LMBR1: variants seen among roughly 807,000 people sequenced by gnomAD.
LMBR1 encodes the protein limb development membrane protein 1, also known as limb region 1 protein homolog.
A neutral mutation model predicts 73.9 loss-of-function variants in LMBR1; 52 were observed. The ratio of observed to expected loss-of-function variants is 0.70; its 90% confidence interval spans 0.56 to 0.89. The LOEUF is 0.89. Among genes scored for constraint, LMBR1 ranks in the 40% least tolerant of loss-of-function variants. The pLI, the probability that LMBR1 is intolerant of heterozygous loss-of-function variation, is 0.00. For missense variants in LMBR1, 539 were observed against 579.8 expected (o/e 0.93, Z 0.72); for synonymous variants, 215 against 209.4 (o/e 1.03, Z -0.23).
At chr7:156,780,575 G>A (rs1232652752) in intron 5 of LMBR1, among the ~76,000 whole-genome samples, 2 of 152,106 alleles carry the variant, frequency 1.3e-5, no homozygotes, top group African/African-American at 2.4e-5. Context: ...CACTAGTAAG[G>A]CTCTTTTCTT....
At position 156,723,642 on chromosome 7, in the gene LMBR1, T is replaced by C. The variant is rs187723940; in HGVS notation, c.1225+470A>G. Reference sequence around the variant, plus strand: ...ACAGGCAAGTAGGAACTCTCAAGGGTGTCCTTTGAATCAGAGTGTGTTCTC... The same window carrying C: ...ACAGGCAAGTAGGAACTCTCAAGGGCGTCCTTTGAATCAGAGTGTGTTCTC... On this transcript the variant is annotated intron_variant, in intron 15 of 16. Transcript: ENST00000353442. 2.9e-3 allele frequency among the ~76,000 whole-genome samples: 441 copies of C among 152,138 alleles called. 1 individual carries two copies. Among genetic ancestry groups the C allele is most frequent in the African/African-American group, 0.01 (419 of 41,530 alleles).
intron 9 of LMBR1, among the ~76,000 whole-genome samples, chr7:156,744,269 G>T (rs1819441916): frequency 6.6e-6 from 1 of 151,622 alleles, no homozygotes; most frequent in Non-Finnish European, 1.5e-5. Context: ...CCAGTAGCAG[G>T]TTGCAAATGG....
intron 5 of LMBR1, among the ~76,000 whole-genome samples, chr7:156,764,682 A>G (rs1318260629): frequency 2.0e-5 from 3 of 152,212 alleles, no homozygotes; most frequent in Non-Finnish European, 4.4e-5. Context: ...TCCACATTTA[A>G]CATAAAAATA....
At chr7:156,700,238 T>C (rs1809344527) in intron 15 of LMBR1, among the ~76,000 whole-genome samples, 2 of 152,208 alleles carry the variant, frequency 1.3e-5, no homozygotes, top group Admixed American at 6.5e-5. Context: ...TCATGTCCTT[T>C]GTAGGGACAT....
intron 4 of LMBR1, among the ~76,000 whole-genome samples, chr7:156,814,932 A>G (rs1042912439): frequency 6.6e-6 from 1 of 152,118 alleles, no homozygotes; most frequent in African/African-American, 2.4e-5. Context: ...CAAGGCAGGC[A>G]GATTACCTGA....
chr7:156,670,190 G>A lies in LMBR1; in HGVS notation n.867-903C>T, dbSNP rs968924507. 8.5e-5 allele frequency among the ~76,000 whole-genome samples: 13 copies of A among 152,162 alleles called. No homozygotes were observed. The highest frequency in any genetic ancestry group is 8.3e-4 in the South Asian group (4 of 4,818). On this transcript the variant is annotated intron_variant and non_coding_transcript_variant, in intron 4 of 4. Coordinates refer to the LMBR1 transcript ENST00000430825. This position sits in a 1 kb window ranked among gnomAD's most constrained non-coding sequence, Gnocchi z 4.3. ...TGGAATCACCAAAAGCACACAATTC[G>A]TATTTCCCACCCACTAGGGCACACA... is the stretch of plus-strand genomic sequence containing the variant.
downstream of LMBR1, among the ~76,000 whole-genome samples, chr7:156,673,671 T>C (rs1434025385): frequency 7.9e-5 from 12 of 152,136 alleles, no homozygotes; most frequent in Admixed American, 7.9e-4. Flanking sequence ...GCCTGCTGTG[T>C]TCACAGAATG....
At chr7:156,865,425 C>T (rs911969642) in intron 1 of LMBR1, among the ~76,000 whole-genome samples, 1 of 152,138 alleles carries the variant, frequency 6.6e-6, no homozygotes, top group Non-Finnish European at 1.5e-5. Flanking sequence ...TATTGAAAGA[C>T]ATTAAAGAAT....
At chr7:156,850,657 T>C (rs1586221420) in intron 1 of LMBR1, among the ~76,000 whole-genome samples, 1 of 152,242 alleles carries the variant, frequency 6.6e-6, no homozygotes, top group Non-Finnish European at 1.5e-5. Flanking sequence ...AACCTCTGTT[T>C]CATTAAAAAC....
At chr7:156,713,482 GT>G (rs903602323) in intron 15 of LMBR1, among the ~76,000 whole-genome samples, 3 of 152,124 alleles carry the variant, frequency 2.0e-5, no homozygotes, top group African/African-American at 7.2e-5. Context: ...GGCTCTGCAT[GT>G]GGGGGACAGG....
At chr7:156,886,494 A>G (rs1461518429) in intron 1 of LMBR1, among the ~76,000 whole-genome samples, 1 of 152,238 alleles carries the variant, frequency 6.6e-6, no homozygotes, top group Non-Finnish European at 1.5e-5. Context: ...ACATGAAGGC[A>G]CTGAAGTGCA....
intron 10 of LMBR1, among the ~76,000 whole-genome samples, chr7:156,733,640 C>G (rs764980417): frequency 2.6e-5 from 4 of 152,078 alleles, no homozygotes; most frequent in Non-Finnish European, 5.9e-5. Flanking sequence ...AATAAAGGAA[C>G]ATCCTTCAGC....
chr7:156,865,066 G>C (rs1798267192), intron 1 of LMBR1, among the ~76,000 whole-genome samples: 1 of 151,166 alleles, frequency 6.6e-6, no homozygotes, highest in Non-Finnish European at 1.5e-5. Context: ...CAGAACTTTG[G>C]GAGGTCAAGG....
intron 5 of LMBR1, 67 bp downstream of exon 5, chr7:156,796,322 T>C: frequency 2.0e-6 from 2 of 1,010,890 alleles, no homozygotes; most frequent in East Asian, 5.4e-5. Flanking sequence ...CTGCTTTTTC[T>C]AGTTCAATGT....
At chr7:156,759,265 C>A (rs1822518447) in intron 8 of LMBR1, among the ~76,000 whole-genome samples, 1 of 152,214 alleles carries the variant, frequency 6.6e-6, no homozygotes, top group Non-Finnish European at 1.5e-5. Flanking sequence ...AAAAGAAAGG[C>A]ATTTCAATTA....
chr7:156,833,175 T>A (rs763975109), intron 3 of LMBR1, among the ~76,000 whole-genome samples: 1 of 152,234 alleles, frequency 6.6e-6, no homozygotes, highest in African/African-American at 2.4e-5. Context: ...AGAATTTTAA[T>A]GTATCAATAA....
At chr7:156,715,648 C>T (rs1052842169) in intron 15 of LMBR1, among the ~76,000 whole-genome samples, 9 of 152,336 alleles carry the variant, frequency 5.9e-5, no homozygotes, top group African/African-American at 2.2e-4. Flanking sequence ...CATTCCTCCT[C>T]ACCCTAGTTC....
chr7:156,863,823 A>T (rs1798063249), intron 1 of LMBR1, among the ~76,000 whole-genome samples: 1 of 152,190 alleles, frequency 6.6e-6, no homozygotes, highest in African/African-American at 2.4e-5. Context: ...TTTTAATTTT[A>T]GTATGAAGCA....
At chr7:156,815,573 TAC>T (rs1371737843) in intron 4 of LMBR1, among the ~76,000 whole-genome samples, 2 of 152,178 alleles carry the variant, frequency 1.3e-5, no homozygotes, top group East Asian at 3.9e-4. Context: ...CCCTGTATCA[TAC>T]AGTTTCCCCC....
Sources: allele counts gnomAD v4.1 joint callset (sites outside exome capture counted in the v4.1 genomes callset), GRCh38; gene constraint gnomAD v4.1.1; non-coding constraint Gnocchi (gnomAD v3.1); transcripts MANE v1.5; gene names NCBI Gene and HGNC (gene_info 2026-07-23, HGNC 2026-07-21).